DNAH17: variants seen among roughly 807,000 people sequenced by gnomAD.
DNAH17 encodes the protein axonemal beta dynein heavy chain 17.
A neutral mutation model predicts 485.6 loss-of-function variants in DNAH17; 376 were observed. The observed-to-expected ratio is 0.77, with a 90% CI of 0.71 to 0.84. DNAH17 has a LOEUF of 0.84. Among genes scored for constraint, DNAH17 ranks in the 40% least tolerant of loss-of-function variants. The pLI is 0.00. For missense variants in DNAH17, 6,370 were observed against 5,839.3 expected, an observed-to-expected ratio of 1.09 and a Z score of -2.96; for synonymous variants, 3,031 against 2,405.9, an observed-to-expected ratio of 1.26 and a Z score of -7.60.
Position 78,567,055 on chromosome 17 carries a change from C to T in DNAH17, c.1396G>A (p.Glu466Lys). Residue 466 changes from glutamate to lysine, a missense_variant, in exon 10 of 81, where the codon GAG (glutamate) becomes AAG (lysine). Glu to Lys is a moderately conservative substitution (Grantham distance 56). Transcript: ENST00000389840. ...LVTRIYDEVF[E>K]LVKVFADCKY... ...CAGTCGGCAAAAACCTTCACCAGCT[C>T]AAAGACCTCATCATAGATACGGGTC... The T allele has an allele frequency of 6.2e-7, 1 of 1,613,782 alleles. No homozygotes were observed. Among genetic ancestry groups the T allele is most frequent in the Non-Finnish European group, 8.5e-7 (1 of 1,179,826 alleles).
At chr17:78,501,119 T>G in intron 35 of DNAH17, 65 bp downstream of exon 35, 2 of 1,490,646 alleles carry the variant, frequency 1.3e-6, no homozygotes, top group South Asian at 1.5e-5. Context: ...AGTCGGACAG[T>G]TCCAAGAATC....
At chr17:78,481,074 T>G (rs2089326200) in intron 48 of DNAH17, among the ~76,000 whole-genome samples, 1 of 148,500 alleles carries the variant, frequency 6.7e-6, no homozygotes. Flanking sequence ...AGATTACAAG[T>G]GTGAGCCACC....
Position 78,547,656 on chromosome 17 carries a change from C to CT in DNAH17, c.2392-3660dup, listed in dbSNP as rs1466252387. Among the ~76,000 whole-genome samples, 79 of 149,282 alleles carry CT rather than the reference C, an allele frequency of 5.3e-4. 1 individual carries two copies. The highest frequency in any genetic ancestry group is 1.8e-3 in the African/African-American group (74 of 40,238). ...TTTTTGAGATGGAGTCTCACTCTGT[C>CT]TCCCAGGCTGGAGTGCAGTGGTGTG... On this transcript the variant is annotated intron_variant, in intron 16 of 80. Coordinates refer to ENST00000389840, the MANE Select transcript of DNAH17 (RefSeq NM_173628.4).
chr17:78,466,823 G>T lies in DNAH17; in HGVS notation c.8779-7C>A. 1 of 1,572,386 alleles carries T rather than the reference G, an allele frequency of 6.4e-7. No homozygotes were observed. The highest frequency in any genetic ancestry group is 8.6e-7 in the Non-Finnish European group (1 of 1,159,410). ...GGGAGAAACACAGGATCACCTGGGTGTGGGAGACACAGATGCGCTGCCTAC... is the reference window on the plus strand; with the variant it reads ...GGGAGAAACACAGGATCACCTGGGTTTGGGAGACACAGATGCGCTGCCTAC... On this transcript the variant is annotated splice_polypyrimidine_tract_variant and splice_region_variant and intron_variant, in intron 55 of 80. Transcript: ENST00000389840.
intron 12 of DNAH17, among the ~76,000 whole-genome samples, 192 bp downstream of exon 12, chr17:78,561,523 C>G (rs1343267625): frequency 1.3e-5 from 2 of 152,064 alleles, no homozygotes; most frequent in Non-Finnish European, 2.9e-5. Flanking sequence ...CCAGATTTCT[C>G]CTGAGCACTC....
intron 29 of DNAH17, among the ~76,000 whole-genome samples, 198 bp from the exon 30 acceptor site, chr17:78,507,044 AG>A (rs2090503736): frequency 6.6e-6 from 1 of 152,162 alleles, no homozygotes; most frequent in Non-Finnish European, 1.5e-5. Flanking sequence ...CTCCTAGGCA[AG>A]AGGGAGCATC....
chr17:78,464,645 G>A (rs1247128381), intron 56 of DNAH17, among the ~76,000 whole-genome samples: 1 of 152,264 alleles, frequency 6.6e-6, no homozygotes. Context: ...AATGGTGTGT[G>A]CCCTTGTGTA....
At chr17:78,551,423 A>G in intron 16 of DNAH17, 112 bp downstream of exon 16, 1 of 923,236 alleles carries the variant, frequency 1.1e-6, no homozygotes, top group East Asian at 2.5e-5. Flanking sequence ...GGCAGCTCCC[A>G]CTGCACCCCA....
intron 19 of DNAH17, among the ~76,000 whole-genome samples, chr17:78,535,021 C>T (rs570666168): frequency 6.6e-6 from 1 of 152,284 alleles, no homozygotes; most frequent in Non-Finnish European, 1.5e-5. Context: ...AGGTAAGACT[C>T]TGCTAGACCA....
In DNAH17 at chr17:78,475,515, T is replaced by C. The variant is rs370142364; in HGVS notation, c.8320-46A>G. ...CCACAACATCTTGTAGCACCTGGAA[T>C]CACCTCTGTCACCAGCACGGACTCT... On this transcript the variant is annotated intron_variant, in intron 53 of 80. Coordinates refer to ENST00000389840, the MANE Select transcript of DNAH17 (RefSeq NM_173628.4). The C allele has an allele frequency of 3.2e-4, 523 of 1,611,804 alleles. 2 individuals carry two copies. The African/African-American group carries it at 6.2e-3, about 19-fold the overall frequency.
At chr17:78,528,781 C>T (rs1351179899) in intron 22 of DNAH17, among the ~76,000 whole-genome samples, 2 of 152,070 alleles carry the variant, frequency 1.3e-5, no homozygotes, top group African/African-American at 4.8e-5. Flanking sequence ...TCTTTGAATT[C>T]GCTATCAAGT....
At chr17:78,497,269 C>T (rs1489031315) in intron 37 of DNAH17, among the ~76,000 whole-genome samples, 1 of 152,168 alleles carries the variant, frequency 6.6e-6, no homozygotes, top group Non-Finnish European at 1.5e-5. Context: ...CTCTCCAAGT[C>T]ACCACTTGAG....
At chr17:78,453,011 C>T (rs565184399) in intron 65 of DNAH17, among the ~76,000 whole-genome samples, 19 of 152,224 alleles carry the variant, frequency 1.2e-4, no homozygotes, top group Admixed American at 4.6e-4. Context: ...GTTAATTTTA[C>T]GTTATGTGAA....
chr17:78,568,605 A>C (rs957288990), intron 9 of DNAH17, among the ~76,000 whole-genome samples: 2 of 151,952 alleles, frequency 1.3e-5, no homozygotes, highest in Non-Finnish European at 2.9e-5. Context: ...CTTTTTTTTG[A>C]AACAGGGTCT....
intron 3 of DNAH17, among the ~76,000 whole-genome samples, chr17:78,572,142 C>T (rs563976682): frequency 1.2e-4 from 19 of 152,290 alleles, no homozygotes; most frequent in African/African-American, 1.9e-4. Context: ...CAGTGGAGGA[C>T]TTGCCCACGT....
intron 25 of DNAH17, among the ~76,000 whole-genome samples, chr17:78,522,994 C>T (rs2090972886): frequency 6.6e-6 from 1 of 152,084 alleles, no homozygotes. Context: ...GCTGGGATCA[C>T]AAGTGCACAC....
At chr17:78,484,739 A>ACCCCCCTCCCCCCCCCCCCCCCCCCCCC in intron 48 of DNAH17, 129 bp downstream of exon 48, 1 of 347,798 alleles carries the variant, frequency 2.9e-6, no homozygotes. Context: ...ACGTTGCAGC[A>ACCCCCCTCCCCCCCCCCCCCCCCCCCCC]CCCCCCCCAC....
In DNAH17 at chr17:78,514,778, G is replaced by A. The variant is rs548985742; in HGVS notation, c.4109C>T (p.Thr1370Ile). The change falls in exon 26 of 81, where the codon ACC becomes ATC. Residue 1370 changes from threonine (T) to isoleucine (I), a missense_variant. Transcript: ENST00000389840. ...ERHWQQLMQA[T>I]QVKFKMSEET... is the part of the protein sequence containing the mutation. ...GCCCACCATGGTGCATGGTACCTGG[G>A]TGGCCTGCATGAGCTGCTGCCAGTG... The A allele has an allele frequency of 6.2e-5, 100 of 1,613,760 alleles. No individual in the cohort carries two copies. In the East Asian group the frequency reaches 2.1e-3, roughly 33 times the overall value.
intron 75 of DNAH17, among the ~76,000 whole-genome samples, chr17:78,431,350 C>T (rs1305410221): frequency 6.6e-6 from 1 of 152,136 alleles, no homozygotes; most frequent in Non-Finnish European, 1.5e-5. Context: ...AGACCTGTGC[C>T]CCTCTCCCCC....
Sources: allele counts gnomAD v4.1 joint callset (sites outside exome capture counted in the v4.1 genomes callset), GRCh38; gene constraint gnomAD v4.1.1; transcripts MANE v1.5; gene names NCBI Gene and HGNC (gene_info 2026-07-23, HGNC 2026-07-21).